LRP5: variants seen among roughly 807,000 people sequenced by gnomAD.
LRP5 encodes LDL receptor related protein 5.
A neutral mutation model predicts 154.1 loss-of-function variants in LRP5; 62 were observed. The ratio of observed to expected loss-of-function variants is 0.40; its 90% CI spans 0.33 to 0.50. The LOEUF (loss-of-function observed/expected upper bound fraction) is 0.50, where lower values mean the gene tolerates loss of function less well. LRP5 is among the 20% of genes least tolerant of loss of function. The pLI, the probability that LRP5 is intolerant of heterozygous loss-of-function variation, is 0.55. For synonymous variants in LRP5, 966 were observed against 1,011.5 expected, an observed-to-expected ratio of 0.96 and a Z score of 0.85; for missense variants, 1,915 against 2,336.7, an observed-to-expected ratio of 0.82 and a Z score of 3.72.
Position 68,447,337 on chromosome 11 carries a change from TCC to T in LRP5, c.4586+805_4586+806del, listed in dbSNP as rs1476311991. ...GCCAGGACACCTCTGGACCACGCATTCCTCATTGCTTGGGTCCCTGGAGCAGC... is the reference window on the plus strand; with the variant it reads ...GCCAGGACACCTCTGGACCACGCATTTCATTGCTTGGGTCCCTGGAGCAGC... On this transcript the variant is annotated intron_variant, in intron 22 of 22. Transcript: ENST00000294304. This position sits in a 1 kb window ranked among gnomAD's most constrained non-coding sequence, Gnocchi z 4.3. Among the ~76,000 whole-genome samples, 1 of 152,168 alleles carries T rather than the reference TCC, an allele frequency of 6.6e-6. No homozygotes were observed. The highest frequency in any genetic ancestry group is 1.5e-5 in the Non-Finnish European group (1 of 68,016).
intron 5 of LRP5, among the ~76,000 whole-genome samples, chr11:68,383,970 CT>C (rs2098641613): frequency 1.3e-5 from 2 of 152,212 alleles, no homozygotes. Flanking sequence ...TCAGATGCCC[CT>C]GACCAGATCT....
intron 12 of LRP5, 100 bp downstream of exon 12, chr11:68,414,112 G>A (rs762327910): frequency 1.8e-5 from 21 of 1,141,606 alleles, no homozygotes; most frequent in African/African-American, 6.1e-5. Context: ...GTTCCTGGGT[G>A]TACATAGATG....
At position 68,357,698 on chromosome 11, in the gene LRP5, A is replaced by C. The variant is rs531476978; in HGVS notation, c.537A>C (p.Ala179=). The C allele has an allele frequency of 2.5e-6, 4 of 1,614,170 alleles. No individual in the cohort carries two copies. The South Asian group carries it at 4.4e-5, about 18-fold the overall frequency. ...GTGAGACGCCCCGGATTGAGCGGGCAGGGATGGATGGCAGCACCCGGAAGA... is the reference window on the plus strand; with the variant it reads ...GTGAGACGCCCCGGATTGAGCGGGCCGGGATGGATGGCAGCACCCGGAAGA... ...DWGETPRIER[A]GMDGSTRKII... The change falls in exon 3 of 23, where the codon GCA becomes GCC. Residue 179 remains alanine, a synonymous_variant. Coordinates refer to ENST00000294304, the MANE Select transcript of LRP5 (RefSeq NM_002335.4).
At chr11:68,370,410 G>T (rs555792641) in intron 5 of LRP5, among the ~76,000 whole-genome samples, 1 of 152,238 alleles carries the variant, frequency 6.6e-6, no homozygotes, top group East Asian at 1.9e-4. Flanking sequence ...GCGCTCACAG[G>T]GGGTGGTTAG....
chr11:68,303,641 G>A, the LRP5 span, among the ~76,000 whole-genome samples: 1 of 152,136 alleles, frequency 6.6e-6, no homozygotes, highest in Non-Finnish European at 1.5e-5. Context: ...CTACAGGTCT[G>A]CGCCACCACA....
At chr11:68,416,738 C>T (rs1174310140) in intron 13 of LRP5, among the ~76,000 whole-genome samples, 1 of 152,100 alleles carries the variant, frequency 6.6e-6, no homozygotes, top group African/African-American at 2.4e-5. Context: ...ACTGGGTTTC[C>T]CCGTTGTTTA....
intron 5 of LRP5, among the ~76,000 whole-genome samples, chr11:68,384,785 C>T (rs942842123): frequency 3.9e-5 from 6 of 152,244 alleles, no homozygotes; most frequent in Admixed American, 2.0e-4. Context: ...AACCCCCCAC[C>T]CCCCAAACTG....
intron 21 of LRP5, 111 bp from the exon 22 acceptor site, chr11:68,446,325 A>G: frequency 2.5e-6 from 2 of 805,034 alleles, no homozygotes; most frequent in East Asian, 2.5e-5. Flanking sequence ...GGTCCTGGGA[A>G]GCAGGGGGGC....
intron 13 of LRP5, among the ~76,000 whole-genome samples, chr11:68,417,170 C>T (rs149621788): frequency 5.5e-4 from 84 of 152,206 alleles, no homozygotes; most frequent in African/African-American, 1.8e-3. Context: ...AAGGGTGTAG[C>T]GCATGAGTTT....
upstream of LRP5, among the ~76,000 whole-genome samples, chr11:68,311,596 C>T (rs1389809501): frequency 2.0e-5 from 3 of 152,184 alleles, no homozygotes; most frequent in Non-Finnish European, 4.4e-5. Flanking sequence ...AGAATATAAA[C>T]CCCATGAGGG....
At chr11:68,391,281 A>G (rs1337675255) in intron 7 of LRP5, among the ~76,000 whole-genome samples, 1 of 147,674 alleles carries the variant, frequency 6.8e-6, no homozygotes, top group Non-Finnish European at 1.5e-5. Context: ...TGTTGAGCAT[A>G]TTTTGAGGTT....
At chr11:68,336,778 C>G (rs2098605946) in intron 1 of LRP5, among the ~76,000 whole-genome samples, 1 of 152,146 alleles carries the variant, frequency 6.6e-6, no homozygotes, top group African/African-American at 2.4e-5. Context: ...CTGCATTTAC[C>G]TGTTTTTAAT....
In LRP5 at chr11:68,424,663, C is replaced by T. The variant is rs149060126; in HGVS notation, c.3237-439C>T. ...CTCACAGTTCCTGAGGGCTGAAGCCCGAGATCGAGGTGTGGGCAGGGCCCT... is the reference window on the plus strand; with the variant it reads ...CTCACAGTTCCTGAGGGCTGAAGCCTGAGATCGAGGTGTGGGCAGGGCCCT... On this transcript the variant is annotated intron_variant, in intron 14 of 22. Transcript: ENST00000294304. Among the ~76,000 whole-genome samples, 402 of 152,300 alleles carry T rather than the reference C, an allele frequency of 2.6e-3. 1 individual carries two copies. Among genetic ancestry groups the T allele is most frequent in the African/African-American group, 8.9e-3 (370 of 41,580 alleles).
chr11:68,384,776 A>AC (rs2098642086), intron 5 of LRP5, among the ~76,000 whole-genome samples: 1 of 151,920 alleles, frequency 6.6e-6, no homozygotes, highest in African/African-American at 2.4e-5. Flanking sequence ...GAATCCTGTA[A>AC]CCCCCCACCC....
chr11:68,321,040 A>G (rs1053328327), intron 1 of LRP5, among the ~76,000 whole-genome samples: 1 of 147,314 alleles, frequency 6.8e-6, no homozygotes, highest in African/African-American at 2.5e-5. Context: ...TTTTACATTC[A>G]GACATTATTC....
chr11:68,411,646 G>C (rs369340494), intron 11 of LRP5, 26 bp downstream of exon 11: 437 of 1,595,434 alleles, frequency 2.7e-4, no homozygotes, highest in Middle Eastern at 7.0e-4. Context: ...GGGCCTTCTG[G>C]TCATGGAGGG....
rs555646176 is a variant in LRP5, at chr11:68,322,250, C to T, written c.91+9445C>T. 2.0e-5 allele frequency among the ~76,000 whole-genome samples: 3 copies of T among 152,312 alleles called. No homozygotes were observed. In the East Asian group the frequency reaches 5.8e-4, roughly 29 times the overall value. ...CAGCTCTGTCCCCTGCCCTCTCCTC[C>T]ACTCAGACTCCCTGGGCTCTGAGGC... On this transcript the variant is annotated intron_variant, in intron 1 of 22. Coordinates refer to ENST00000294304, the MANE Select transcript of LRP5 (RefSeq NM_002335.4).
rs1223864951 is a variant in LRP5, at chr11:68,386,024, A to C, written c.1016-292A>C. Among the ~76,000 whole-genome samples, 1 of 152,142 alleles carries C rather than the reference A, an allele frequency of 6.6e-6. No homozygotes were observed. The highest frequency in any genetic ancestry group is 1.5e-5 in the Non-Finnish European group (1 of 68,014). Reference sequence around the variant, plus strand: ...GAGGCAGCTCCCACCCAGCAGCTGAAGCCCAATGGCCTGGCTGTGTGGCTC... The same window carrying C: ...GAGGCAGCTCCCACCCAGCAGCTGACGCCCAATGGCCTGGCTGTGTGGCTC... On this transcript the variant is annotated intron_variant, in intron 5 of 22. Transcript: ENST00000294304. This position sits in a 1 kb window ranked among gnomAD's most constrained non-coding sequence, Gnocchi z 7.9.
chr11:68,349,537 C>A (rs868277394), intron 2 of LRP5, among the ~76,000 whole-genome samples: 1 of 152,194 alleles, frequency 6.6e-6, no homozygotes, highest in Non-Finnish European at 1.5e-5. Flanking sequence ...GGAAGCAGAA[C>A]CTGCTGGGAG....
Sources: allele counts gnomAD v4.1 joint callset (sites outside exome capture counted in the v4.1 genomes callset), GRCh38; gene constraint gnomAD v4.1.1; non-coding constraint Gnocchi (gnomAD v3.1); transcripts MANE v1.5; gene names NCBI Gene and HGNC (gene_info 2026-07-23, HGNC 2026-07-21).